The following TENM2 variants were observed in gnomAD, a reference collection of about 807,000 sequenced individuals.
The protein encoded by TENM2 is teneurin transmembrane protein 2.
In TENM2, 52 loss-of-function variants were observed where a neutral mutation model predicts 245.2. The observed-to-expected ratio is 0.21, with a 90% CI of 0.17 to 0.27. The LOEUF (loss-of-function observed/expected upper bound fraction) is 0.27, where lower values mean the gene tolerates loss of function less well. TENM2 is among the 10% of genes least tolerant of loss of function. TENM2 has a pLI of 1.00. For missense variants in TENM2, 3,046 were observed against 3,666.8 expected, an observed-to-expected ratio of 0.83 and a Z score of 4.37; for synonymous variants, 1,363 against 1,438.9, an observed-to-expected ratio of 0.95 and a Z score of 1.19.
Position 168,218,938 on chromosome 5 carries a change from G to T in TENM2, c.5047G>T (p.Asp1683Tyr), listed in dbSNP as rs777523515. Reference sequence around the variant, plus strand: ...CCTGGAGCTTGGTCTCATGACCTATGATGGCAACACTGGGCTCCTGGCCAC... The same window carrying T: ...CCTGGAGCTTGGTCTCATGACCTATTATGGCAACACTGGGCTCCTGGCCAC... Residue 1683 changes from aspartate to tyrosine, a missense_variant, in exon 23 of 29, where the codon GAT becomes TAT. Physicochemically the swap from Asp to Tyr is radical, Grantham distance 160. This residue lies in a region of TENM2 where 2,704 missense variants were observed against 3,331.9 expected (regional missense o/e 0.81). Coordinates refer to ENST00000518659, the Ensembl canonical transcript of TENM2. This position sits in a 1 kb window ranked among gnomAD's most constrained non-coding sequence, Gnocchi z 5.2. The T allele has an allele frequency of 6.2e-7, 1 of 1,613,888 alleles. No homozygotes were observed. Among genetic ancestry groups the T allele is most frequent in the East Asian group, 2.2e-5 (1 of 44,894 alleles).
chr5:167,144,466 C>T, the TENM2 span, among the ~76,000 whole-genome samples: 1 of 152,304 alleles, frequency 6.6e-6, no homozygotes, highest in South Asian at 2.1e-4. Flanking sequence ...AAAAGCTAAG[C>T]CCAGAGAGGG....
chr5:168,177,825 A>G (rs965750740), intron 13 of TENM2, among the ~76,000 whole-genome samples: 1 of 152,270 alleles, frequency 6.6e-6, no homozygotes, highest in Non-Finnish European at 1.5e-5. Flanking sequence ...TAACAGCACA[A>G]GACCTCATCT....
intron 3 of TENM2, among the ~76,000 whole-genome samples, chr5:167,886,043 C>G (rs1385486493): frequency 6.6e-6 from 1 of 152,154 alleles, no homozygotes; most frequent in African/African-American, 2.4e-5. Context: ...TGTGTCTTCT[C>G]CCTCATAGCA....
intron 9 of TENM2, among the ~76,000 whole-genome samples, chr5:168,102,583 C>T (rs1224144015): frequency 1.3e-5 from 2 of 152,210 alleles, no homozygotes; most frequent in Admixed American, 1.3e-4. Flanking sequence ...TCTGGAGAGA[C>T]TCAAGCCTTG....
intron 2 of TENM2, among the ~76,000 whole-genome samples, chr5:167,486,792 C>A (rs1423445497): frequency 1.3e-5 from 2 of 152,062 alleles, no homozygotes; most frequent in Non-Finnish European, 2.9e-5. Flanking sequence ...GAGGTGACAA[C>A]CCCATCACTA....
chr5:167,318,841 C>A (rs2127767138), intron 1 of TENM2, among the ~76,000 whole-genome samples: 1 of 152,236 alleles, frequency 6.6e-6, no homozygotes, highest in African/African-American at 2.4e-5. Flanking sequence ...GCATGTGAGA[C>A]TTATTTAAAA....
intron 12 of TENM2, among the ~76,000 whole-genome samples, chr5:168,135,742 A>T (rs918893244): frequency 6.6e-5 from 10 of 152,198 alleles, no homozygotes; most frequent in Non-Finnish European, 1.3e-4. Flanking sequence ...AGTTTTAAGT[A>T]AAGTGTTCGT....
At chr5:167,301,696 C>T (rs994136158) in intron 1 of TENM2, among the ~76,000 whole-genome samples, 5 of 152,082 alleles carry the variant, frequency 3.3e-5, no homozygotes, top group African/African-American at 4.8e-5. Flanking sequence ...TGCTGCCAAA[C>T]GAGCCATGAA....
intron 1 of TENM2, among the ~76,000 whole-genome samples, chr5:167,301,444 T>C (rs984674006): frequency 6.6e-6 from 1 of 152,180 alleles, no homozygotes; most frequent in East Asian, 1.9e-4. Flanking sequence ...TGGCTGGGGT[T>C]TGTCTCACAG....
intron 2 of TENM2, among the ~76,000 whole-genome samples, chr5:167,627,562 CTT>C (rs34785510): frequency 3.4e-5 from 5 of 145,286 alleles, no homozygotes; most frequent in Non-Finnish European, 6.0e-5. Context: ...GACTCTACTT[CTT>C]TTTTTTTTTT....
the TENM2 span, among the ~76,000 whole-genome samples, chr5:167,003,924 A>G: frequency 3.4e-4 from 52 of 152,302 alleles, no homozygotes; most frequent in African/African-American, 1.2e-3. Flanking sequence ...ACTCTCAGTT[A>G]TAGGCTTTTG....
At chr5:167,666,915 A>G (rs1168760311) in intron 2 of TENM2, among the ~76,000 whole-genome samples, 6 of 152,202 alleles carry the variant, frequency 3.9e-5, no homozygotes, top group Non-Finnish European at 8.8e-5. Flanking sequence ...TCAACCATCC[A>G]GGTTTGCCTG....
chr5:167,552,017 T>C (rs1772979475), intron 2 of TENM2, among the ~76,000 whole-genome samples: 2 of 152,188 alleles, frequency 1.3e-5, no homozygotes, highest in African/African-American at 4.8e-5. Context: ...AACAGCTAGG[T>C]TGTGGGTTTT....
chr5:167,695,412 T>C (rs1438631047), intron 2 of TENM2, among the ~76,000 whole-genome samples: 5 of 152,190 alleles, frequency 3.3e-5, no homozygotes, highest in Admixed American at 3.3e-4. Context: ...ATTCTTCTTT[T>C]GATATTTTTA....
intron 2 of TENM2, among the ~76,000 whole-genome samples, chr5:167,694,727 A>G (rs1757651417): frequency 6.6e-6 from 1 of 152,186 alleles, no homozygotes; most frequent in Non-Finnish European, 1.5e-5. Flanking sequence ...GGTGTGCATG[A>G]ATAGTTCTCA....
intron 7 of TENM2, among the ~76,000 whole-genome samples, chr5:168,067,835 G>A (rs1790642118): frequency 6.6e-6 from 1 of 152,120 alleles, no homozygotes. Flanking sequence ...GCAATGCCAG[G>A]GTTTGGCTGT....
At chr5:167,918,751 G>A (rs746489455) in intron 3 of TENM2, among the ~76,000 whole-genome samples, 11 of 149,782 alleles carry the variant, frequency 7.3e-5, no homozygotes, top group Middle Eastern at 3.5e-3. Context: ...AGAGCAGTTC[G>A]TTTGGGATTG....
chr5:168,160,369 A>G (rs952506201), intron 12 of TENM2, among the ~76,000 whole-genome samples: 4 of 152,248 alleles, frequency 2.6e-5, no homozygotes, highest in African/African-American at 9.6e-5. Flanking sequence ...AAAAGCATGG[A>G]AATGTGAATC....
At chr5:167,774,999 C>T (rs762573272) in intron 2 of TENM2, among the ~76,000 whole-genome samples, 6 of 151,994 alleles carry the variant, frequency 3.9e-5, no homozygotes, top group Admixed American at 6.6e-5. Context: ...GATGGAGTTT[C>T]ACTCTTGTTG....
Sources: gnomAD v4.1 joint callset for allele counts (sites outside exome capture counted in the v4.1 genomes callset) on GRCh38, gnomAD v4.1.1 for gene constraint, gnomAD v4.1.1 regional missense constraint, Gnocchi (gnomAD v3.1) non-coding constraint, MANE v1.5 for transcripts, NCBI Gene and HGNC (gene_info 2026-07-23, HGNC 2026-07-21) for gene names.